ITPRID2: variants seen among roughly 807,000 people sequenced by gnomAD.
The protein encoded by ITPRID2 is protein ITPRID2.
A neutral mutation model predicts 124.3 loss-of-function variants in ITPRID2; 60 were observed. That is an observed-to-expected ratio of 0.48 (90% CI 0.39 to 0.60). The LOEUF (loss-of-function observed/expected upper bound fraction) is 0.60. ITPRID2 is among the 20% of genes least tolerant of loss of function. The pLI is 0.00. For missense variants in ITPRID2, 1,553 were observed against 1,512.2 expected (o/e 1.03, Z -0.45); for synonymous variants, 521 against 542.9 (o/e 0.96, Z 0.56).
intron 16 of ITPRID2, among the ~76,000 whole-genome samples, chr2:181,926,698 G>A (rs950429899): frequency 6.9e-6 from 1 of 144,104 alleles, no homozygotes; most frequent in Non-Finnish European, 1.5e-5. Context: ...GGGTGACAGA[G>A]TGAGAATCCA....
chr2:181,902,046 G>A lies in ITPRID2; in HGVS notation c.993G>A (p.Val331=), dbSNP rs1692708264. 1.2e-6 allele frequency: 2 copies of A among 1,612,528 alleles called. No individual in the cohort carries two copies. The highest frequency in any genetic ancestry group is 1.6e-4 in the Middle Eastern group (1 of 6,082). Residue 331 remains valine, a synonymous_variant, in exon 8 of 18, where the codon GTG becomes GTA. Coordinates refer to ENST00000431877, the MANE Select transcript of ITPRID2 (RefSeq NM_001130445.3). This position sits in a 1 kb window ranked among gnomAD's most constrained non-coding sequence, Gnocchi z 4.4. ...AAGGAAAGATTCTAAATGTTTCAGT[G>A]ATTGAAGAAAGTGGCAATAAAAACG... ...AEKGKILNVS[V]IEESGNKNDQ...
intron 8 of ITPRID2, among the ~76,000 whole-genome samples, chr2:181,904,140 A>T (rs1692901654): frequency 1.3e-5 from 2 of 152,156 alleles, no homozygotes. Context: ...GATGCCATAC[A>T]CAAAAGGTTT....
chr2:181,900,613 A>G (rs1470047695), intron 6 of ITPRID2, 83 bp from the exon 7 acceptor site: 10 of 917,098 alleles, frequency 1.1e-5, no homozygotes, highest in African/African-American at 3.4e-5. Flanking sequence ...GAAATCAGTA[A>G]TATGTATTCA....
At chr2:181,909,542 T>A (rs1218135434) in intron 8 of ITPRID2, among the ~76,000 whole-genome samples, 1 of 152,222 alleles carries the variant, frequency 6.6e-6, no homozygotes, top group Non-Finnish European at 1.5e-5. Flanking sequence ...TATTCAAGGT[T>A]GAAAACCCAT....
chr2:181,897,812 A>G (rs1352943453), intron 4 of ITPRID2, among the ~76,000 whole-genome samples: 3 of 152,004 alleles, frequency 2.0e-5, no homozygotes, highest in Non-Finnish European at 4.4e-5. Context: ...ATGCATCTGT[A>G]AAGTAAATTA....
chr2:181,925,210 C>T (rs1694756560), intron 16 of ITPRID2, among the ~76,000 whole-genome samples: 1 of 152,220 alleles, frequency 6.6e-6, no homozygotes, highest in South Asian at 2.1e-4. Flanking sequence ...ATAGCTGCCA[C>T]TTAGTAGGCA....
rs563626450 is a variant in ITPRID2 at position 181,919,699 on chromosome 2, G to A, written c.3144+253G>A. On this transcript the variant is annotated intron_variant, in intron 14 of 17. Coordinates refer to ENST00000431877, the MANE Select transcript of ITPRID2 (RefSeq NM_001130445.3). The surrounding 1 kb of genome is among the most constrained non-coding windows in gnomAD (Gnocchi z 4.2). The stretch of plus-strand genomic sequence containing the variant: ...AACAGGAAAGAATAAGGGCTTATAC[G>A]AAAGTTGAGGGTTTTTAAAGGAAAA... Among the ~76,000 whole-genome samples, 31 of 152,144 alleles carry A rather than the reference G, an allele frequency of 2.0e-4. No individual in the cohort carries two copies. The highest frequency in any genetic ancestry group is 1.3e-3 in the East Asian group (7 of 5,188).
chr2:181,921,803 T>A, intron 15 of ITPRID2, 145 bp from the exon 16 acceptor site: 1 of 743,418 alleles, frequency 1.3e-6, no homozygotes. Flanking sequence ...GCAAATAAAA[T>A]TGAGTAGTTA....
intron 2 of ITPRID2, chr2:181,894,796 G>C: frequency 6.6e-6 from 1 of 152,040 alleles, no homozygotes; most frequent in Non-Finnish European, 1.5e-5. Context: ...GAATTTGGAA[G>C]GGAGCAACTA....
At chr2:181,909,876 A>T (rs374758716) in intron 8 of ITPRID2, 23 bp from the exon 9 acceptor site, 10 of 1,597,320 alleles carry the variant, frequency 6.3e-6, no homozygotes, top group South Asian at 1.1e-5. Context: ...ATTTGGTTTT[A>T]ACTACTTAAA....
chr2:181,925,634 C>A (rs935276477), intron 16 of ITPRID2, among the ~76,000 whole-genome samples: 1 of 152,138 alleles, frequency 6.6e-6, no homozygotes, highest in Admixed American at 6.5e-5. Flanking sequence ...TTACTGAGTT[C>A]TTACTGTATG....
At chr2:181,898,185 A>G (rs947976486) in intron 4 of ITPRID2, among the ~76,000 whole-genome samples, 3 of 152,090 alleles carry the variant, frequency 2.0e-5, no homozygotes, top group Admixed American at 2.0e-4. Flanking sequence ...ACAAAGAAAC[A>G]CAAAATTGTC....
chr2:181,915,329 T>C lies in ITPRID2; in HGVS notation c.1689T>C (p.Tyr563=). The C allele has an allele frequency of 6.2e-7, 1 of 1,614,198 alleles. No individual in the cohort carries two copies. Among genetic ancestry groups the C allele is most frequent in the Non-Finnish European group, 8.5e-7 (1 of 1,180,038 alleles). The change falls in exon 11 of 18, where the codon TAT becomes TAC. Residue 563 remains tyrosine, a synonymous_variant. Coordinates refer to ENST00000431877, the MANE Select transcript of ITPRID2 (RefSeq NM_001130445.3). ...LATPTAQDQP[Y]FNESEEESLV... ...CACCAACAGCACAAGACCAGCCTTA[T>C]TTTAATGAATCAGAGGAGGAGTCTC...
intron 13 of ITPRID2, 48 bp downstream of exon 13, chr2:181,918,930 A>G (rs937368458): frequency 1.1e-5 from 18 of 1,595,932 alleles, no homozygotes; most frequent in African/African-American, 1.4e-5. Context: ...TTTTCATTCA[A>G]AGTCTTCTCA....
At chr2:181,920,333 G>A (rs1694389742) in intron 14 of ITPRID2, among the ~76,000 whole-genome samples, 1 of 152,162 alleles carries the variant, frequency 6.6e-6, no homozygotes, top group African/African-American at 2.4e-5. Context: ...ATTCTGAGAA[G>A]TGTATGTTGG....
chr2:181,895,668 C>T (rs369542168), intron 2 of ITPRID2, among the ~76,000 whole-genome samples: 4 of 151,932 alleles, frequency 2.6e-5, no homozygotes, highest in Middle Eastern at 3.4e-3. Flanking sequence ...ATTCTGTTTT[C>T]TTTTTTGATG....
intron 9 of ITPRID2, among the ~76,000 whole-genome samples, chr2:181,912,513 G>C (rs1375293467): frequency 1.3e-5 from 2 of 152,146 alleles, no homozygotes; most frequent in Non-Finnish European, 2.9e-5. Context: ...TGGGAAAAAT[G>C]TATTCCATGG....
rs777942712 is a variant in ITPRID2 at position 181,916,085 on chromosome 2, T to A, written c.2445T>A (p.Ser815Arg). ...SSVKKEEAPQ[S>R]EAPRVEECHH... ...TGAAGAAAGAAGAAGCCCCCCAGAG[T>A]GAGGCGCCGCGGGTGGAGGAATGCC... The change falls in exon 11 of 18, where the codon AGT (serine) becomes AGA (arginine). Residue 815 changes from serine (S) to arginine (R), a missense_variant. Coordinates refer to ENST00000431877, the MANE Select transcript of ITPRID2 (RefSeq NM_001130445.3). The A allele has an allele frequency of 1.2e-6, 2 of 1,614,076 alleles. No individual in the cohort carries two copies.
intron 8 of ITPRID2, among the ~76,000 whole-genome samples, chr2:181,906,963 T>C (rs1339081462): frequency 2.6e-5 from 4 of 152,208 alleles, no homozygotes; most frequent in Non-Finnish European, 4.4e-5. Flanking sequence ...TGATTTCCTC[T>C]GACATTTTTT....
Sources: gnomAD v4.1 joint callset for allele counts (sites outside exome capture counted in the v4.1 genomes callset) on GRCh38, gnomAD v4.1.1 for gene constraint, Gnocchi (gnomAD v3.1) non-coding constraint, MANE v1.5 for transcripts, NCBI Gene and HGNC (gene_info 2026-07-23, HGNC 2026-07-21) for gene names.